The following TENM2 variants were observed in gnomAD, a reference collection of about 807,000 sequenced individuals.
TENM2 encodes teneurin transmembrane protein 2, also known as teneurin-2.
A neutral mutation model predicts 245.2 loss-of-function variants in TENM2; 52 were observed. The observed-to-expected ratio is 0.21, with a 90% CI of 0.17 to 0.27. TENM2 has a LOEUF of 0.27. Among genes scored for constraint, TENM2 ranks in the 10% least tolerant of loss-of-function variants. The pLI is 1.00. For synonymous variants in TENM2, 1,363 were observed against 1,438.9 expected (o/e 0.95, Z 1.19); for missense variants, 3,046 against 3,666.8 (o/e 0.83, Z 4.37).
chr5:167,448,484 G>T (rs902054776), intron 2 of TENM2, among the ~76,000 whole-genome samples: 1 of 149,082 alleles, frequency 6.7e-6, no homozygotes, highest in South Asian at 2.2e-4. Flanking sequence ...TTTAAGATTT[G>T]GATCGGTTTT....
At chr5:168,119,019 C>T (rs1201256248) in intron 10 of TENM2, among the ~76,000 whole-genome samples, 1 of 152,072 alleles carries the variant, frequency 6.6e-6, no homozygotes, top group Non-Finnish European at 1.5e-5. Context: ...ATCTAAGGCC[C>T]GTGTATGTCT....
intron 6 of TENM2, among the ~76,000 whole-genome samples, chr5:168,059,323 C>T (rs10516043): frequency 0.094 from 14,267 of 152,234 alleles, 752 homozygotes; most frequent in East Asian, 0.19. Flanking sequence ...CAGGTTTCCA[C>T]AGTAGATTAG....
chr5:167,590,589 T>A (rs564884523), intron 2 of TENM2, among the ~76,000 whole-genome samples: 218 of 152,264 alleles, frequency 1.4e-3, no homozygotes, highest in Admixed American at 3.5e-3. Flanking sequence ...CCCAGGCATG[T>A]CTTGCTTAAC....
chr5:167,258,431 G>A, the TENM2 span, among the ~76,000 whole-genome samples: 13 of 152,116 alleles, frequency 8.5e-5, no homozygotes, highest in South Asian at 2.7e-3. Flanking sequence ...TGTGGTAAAT[G>A]GTTGCATTGC....
chr5:167,155,410 C>A, the TENM2 span, among the ~76,000 whole-genome samples: 1 of 152,312 alleles, frequency 6.6e-6, no homozygotes, highest in Admixed American at 6.5e-5. Context: ...AAGAATCTCC[C>A]AAACCTTTAA....
At chr5:167,066,469 G>A in the TENM2 span, among the ~76,000 whole-genome samples, 3 of 151,842 alleles carry the variant, frequency 2.0e-5, no homozygotes, top group Admixed American at 1.3e-4. Context: ...CCATGTTGGT[G>A]TGCTGCACCC....
chr5:167,131,638 A>G, the TENM2 span, among the ~76,000 whole-genome samples: 1 of 152,152 alleles, frequency 6.6e-6, no homozygotes, highest in Non-Finnish European at 1.5e-5. Flanking sequence ...ACCAATAGAT[A>G]AATAAAAAGA....
rs377375468 is a variant in TENM2, at chr5:168,152,938, T to C, written c.2423-9673T>C. On this transcript the variant is annotated intron_variant, in intron 12 of 28. Transcript: ENST00000518659. ...TCATTTGCTTAGAGAAGTGTCATCC[T>C]TCCAGAGGCTTGGGGTGTGGCCTGT... 2.0e-5 allele frequency among the ~76,000 whole-genome samples: 3 copies of C among 152,196 alleles called. No homozygotes were observed. The East Asian group carries it at 5.8e-4, about 29-fold the overall frequency.
At chr5:167,371,345 T>TC (rs1396787142) in intron 1 of TENM2, among the ~76,000 whole-genome samples, 3 of 148,642 alleles carry the variant, frequency 2.0e-5, no homozygotes, top group African/African-American at 7.5e-5. Flanking sequence ...TTTTTTTTTT[T>TC]TTTCTTTCTT....
intron 2 of TENM2, among the ~76,000 whole-genome samples, chr5:167,794,488 G>T (rs1224216594): frequency 2.0e-5 from 3 of 152,178 alleles, no homozygotes; most frequent in Non-Finnish European, 4.4e-5. Flanking sequence ...AACATGATTG[G>T]CAATGATTCA....
chr5:167,957,961 G>A lies in TENM2; in HGVS notation c.947+5139G>A, dbSNP rs1332867247. 2.6e-5 allele frequency among the ~76,000 whole-genome samples: 4 copies of A among 152,318 alleles called. No homozygotes were observed. In the East Asian group the frequency reaches 7.7e-4, roughly 29 times the overall value. ...AGAATGTATATTCTGTTGATTTGGG[G>A]TGGAGAGTTCTGCAGATGTCTATTA... is the stretch of plus-strand genomic sequence containing the variant. On this transcript the variant is annotated intron_variant, in intron 4 of 28. Coordinates refer to ENST00000518659, the Ensembl canonical transcript of TENM2.
chr5:167,265,098 C>G, the TENM2 span, among the ~76,000 whole-genome samples: 1 of 151,450 alleles, frequency 6.6e-6, no homozygotes, highest in Admixed American at 6.6e-5. Flanking sequence ...GAGACCGAGG[C>G]GAGTGGATCA....
At chr5:168,179,892 A>T (rs887233556) in intron 13 of TENM2, among the ~76,000 whole-genome samples, 1 of 152,132 alleles carries the variant, frequency 6.6e-6, no homozygotes, top group African/African-American at 2.4e-5. Flanking sequence ...AGCACCAACC[A>T]TTGGTTCTCA....
At chr5:167,229,784 G>A in the TENM2 span, among the ~76,000 whole-genome samples, 1 of 152,188 alleles carries the variant, frequency 6.6e-6, no homozygotes, top group Non-Finnish European at 1.5e-5. Flanking sequence ...ATGCCAAGAT[G>A]GGGTGAGCCC....
intron 2 of TENM2, among the ~76,000 whole-genome samples, chr5:167,715,634 G>T (rs10516040): frequency 0.087 from 13,223 of 152,172 alleles, 1,500 homozygotes; most frequent in African/African-American, 0.26. Context: ...CAATTTAATT[G>T]CTCAATCGGT....
chr5:167,352,037 A>G (rs890187904), intron 1 of TENM2, among the ~76,000 whole-genome samples: 1 of 152,180 alleles, frequency 6.6e-6, no homozygotes, highest in African/African-American at 2.4e-5. Flanking sequence ...GCAACTTAAA[A>G]GCCTATTTAA....
chr5:168,171,466 A>G (rs1267379670), intron 13 of TENM2, among the ~76,000 whole-genome samples: 1 of 152,236 alleles, frequency 6.6e-6, no homozygotes, highest in Non-Finnish European at 1.5e-5. Flanking sequence ...TCAAACAAGT[A>G]CAGAATGTGT....
chr5:168,080,446 T>C (rs1791889849), intron 7 of TENM2, among the ~76,000 whole-genome samples: 1 of 152,216 alleles, frequency 6.6e-6, no homozygotes, highest in Non-Finnish European at 1.5e-5. Flanking sequence ...TCTGCTCTGA[T>C]CTTAGTTATT....
chr5:167,986,628 AGAGCAATT>A (rs373657034), intron 4 of TENM2, among the ~76,000 whole-genome samples: 28 of 152,334 alleles, frequency 1.8e-4, no homozygotes, highest in South Asian at 6.2e-4. Context: ...GCCAATTCTG[AGAGCAATT>A]GAGTTGTGCT....
Sources: allele counts gnomAD v4.1 joint callset (sites outside exome capture counted in the v4.1 genomes callset), GRCh38; gene constraint gnomAD v4.1.1; transcripts MANE v1.5; gene names NCBI Gene and HGNC (gene_info 2026-07-23, HGNC 2026-07-21).